Variants in MS4A4A observed in about 807,000 individuals in gnomAD.
MS4A4A encodes the protein membrane spanning 4-domains A4A.
Under a neutral mutation model 28.0 loss-of-function variants are expected in MS4A4A, and 26 were observed. The ratio of observed to expected loss-of-function variants is 0.93; its 90% CI spans 0.68 to 1.29. The LOEUF (loss-of-function observed/expected upper bound fraction) is 1.29, where lower values mean the gene tolerates loss of function less well. Among genes scored for constraint, MS4A4A ranks in the 50% most tolerant of loss-of-function variants. MS4A4A has a pLI of 0.00. For missense variants in MS4A4A, 290 were observed against 293.1 expected, an observed-to-expected ratio of 0.99 and a Z score of 0.08; for synonymous variants, 86 against 100.8, an observed-to-expected ratio of 0.85 and a Z score of 0.88.
intron 1 of MS4A4A, chr11:60,282,789 C>T (rs2084766804): frequency 2.5e-6 from 3 of 1,189,112 alleles, no homozygotes; most frequent in Middle Eastern, 3.2e-4. Context: ...TTGTTATCAA[C>T]ATTAAAAATT....
chr11:60,294,579 A>T (rs557382523), intron 2 of MS4A4A, among the ~76,000 whole-genome samples: 181 of 152,200 alleles, frequency 1.2e-3, no homozygotes, highest in African/African-American at 4.1e-3. Context: ...TAGGAGTTTT[A>T]TAGTTTTTAG....
At chr11:60,300,939 T>A (rs2084948092) in intron 3 of MS4A4A, 62 bp from the exon 4 acceptor site, 2 of 1,205,020 alleles carry the variant, frequency 1.7e-6, no homozygotes, top group Non-Finnish European at 1.2e-6. Flanking sequence ...TTAAGTTTAG[T>A]AAGTTATGAC....
At chr11:60,294,697 A>T (rs1428821982) in intron 2 of MS4A4A, among the ~76,000 whole-genome samples, 3 of 151,984 alleles carry the variant, frequency 2.0e-5, no homozygotes, top group African/African-American at 7.2e-5. Flanking sequence ...ACTATTTTTT[A>T]AAATACTTTT....
chr11:60,308,002 A>G, intron 6 of MS4A4A, 105 bp from the exon 7 acceptor site: 1 of 988,100 alleles, frequency 1.0e-6, no homozygotes, highest in Non-Finnish European at 1.6e-6. Flanking sequence ...AATGAATCAG[A>G]GAAGAAAAGA....
intron 4 of MS4A4A, among the ~76,000 whole-genome samples, chr11:60,301,261 ATC>A (rs990555771): frequency 2.0e-5 from 3 of 152,200 alleles, no homozygotes; most frequent in African/African-American, 7.2e-5. Context: ...AAGGTAGGGA[ATC>A]TTACGCTTGT....
At chr11:60,293,725 T>G (rs7939464) in intron 2 of MS4A4A, among the ~76,000 whole-genome samples, 28,922 of 151,990 alleles carry the variant, frequency 0.19, 3,286 homozygotes, top group African/African-American at 0.31. Context: ...ACAATAGGTG[T>G]TTTTTTTAGA....
chr11:60,293,014 T>G (rs923661736), intron 2 of MS4A4A, among the ~76,000 whole-genome samples: 1 of 152,186 alleles, frequency 6.6e-6, no homozygotes, highest in Non-Finnish European at 1.5e-5. Context: ...TCTCATAAAA[T>G]ATGTTATTTA....
At chr11:60,289,574 AGTGTGTGT>A (rs747454290) in intron 1 of MS4A4A, among the ~76,000 whole-genome samples, 19 of 131,188 alleles carry the variant, frequency 1.4e-4, no homozygotes, top group Middle Eastern at 3.8e-3. Context: ...TGTTTTGGGG[AGTGTGTGT>A]GTGTGTGTGT....
At chr11:60,305,203 G>C (rs2084987256) in intron 5 of MS4A4A, among the ~76,000 whole-genome samples, 1 of 152,204 alleles carries the variant, frequency 6.6e-6, no homozygotes, top group African/African-American at 2.4e-5. Context: ...CAGTGCTCTG[G>C]GCAGATGGAT....
chr11:60,291,594 T>C (rs2084856147), intron 1 of MS4A4A, among the ~76,000 whole-genome samples: 1 of 151,770 alleles, frequency 6.6e-6, no homozygotes, highest in Non-Finnish European at 1.5e-5. Context: ...GGTCAGGAGA[T>C]GGAGACCATA....
At position 60,308,346 on chromosome 11, in the gene MS4A4A, A is replaced by T. The variant is rs1407039189; in HGVS notation, c.*168A>T. 6 of 542,074 alleles carry T rather than the reference A, an allele frequency of 1.1e-5. No homozygotes were observed. The highest frequency in any genetic ancestry group is 1.9e-5 in the Non-Finnish European group (6 of 321,702). The allele number at this position is 542,074 out of a possible 1,614,324, so 33.6% of individuals were successfully genotyped here. A position where few individuals can be genotyped will look rare whatever the true frequency, so the allele number is the denominator to read the frequency against. Reference sequence around the variant, plus strand: ...CTGTGTGTGTATAGAGAGATAATAAATTCAAAATTATGTTCTCATTTTTTT... The same window carrying T: ...CTGTGTGTGTATAGAGAGATAATAATTTCAAAATTATGTTCTCATTTTTTT... On this transcript the variant is annotated 3_prime_UTR_variant, in exon 7 of 7. Coordinates refer to ENST00000337908, the MANE Select transcript of MS4A4A (RefSeq NM_148975.3).
chr11:60,300,901 C>T lies in MS4A4A; in HGVS notation c.331-100C>T, dbSNP rs968287536. 2.2e-5 allele frequency: 18 copies of T among 810,154 alleles called. No individual in the cohort carries two copies. In the African/African-American group the frequency reaches 2.9e-4, roughly 13 times the overall value. The allele number at this position is 810,154 out of a possible 1,614,324, so 50.2% of individuals were successfully genotyped here. A position where few individuals can be genotyped will look rare whatever the true frequency, so the allele number is the denominator to read the frequency against. On this transcript the variant is annotated intron_variant, in intron 3 of 6. Coordinates refer to ENST00000337908, the MANE Select transcript of MS4A4A (RefSeq NM_148975.3). The stretch of plus-strand genomic sequence containing the variant: ...TGTGGTTTTCTTTAAGATAATTGGT[C>T]TGATTAACATATCTATCTAATTTAG...
At chr11:60,295,595 T>C (rs2084899003) in intron 2 of MS4A4A, among the ~76,000 whole-genome samples, 2 of 152,102 alleles carry the variant, frequency 1.3e-5, no homozygotes, top group South Asian at 4.1e-4. Context: ...TTTGAGTTTC[T>C]CCATTAAGTA....
intron 1 of MS4A4A, among the ~76,000 whole-genome samples, chr11:60,287,783 TG>T (rs1554992295): frequency 2.6e-5 from 4 of 152,168 alleles, no homozygotes; most frequent in Non-Finnish European, 5.9e-5. Flanking sequence ...CAAAATATAA[TG>T]GTGAAACAGG....
chr11:60,283,186 C>T (rs899910972), intron 1 of MS4A4A, among the ~76,000 whole-genome samples: 5 of 152,144 alleles, frequency 3.3e-5, no homozygotes. Flanking sequence ...TGGGCCTCAG[C>T]CTCCTGAGTA....
At chr11:60,301,655 T>G (rs534991622) in intron 4 of MS4A4A, among the ~76,000 whole-genome samples, 1 of 152,236 alleles carries the variant, frequency 6.6e-6, no homozygotes, top group African/African-American at 2.4e-5. Context: ...ATGATCAATA[T>G]GGGTTTTCCA....
At chr11:60,292,120 A>T (rs1020148132) in intron 1 of MS4A4A, 105 bp from the exon 2 acceptor site, 2 of 1,330,726 alleles carry the variant, frequency 1.5e-6, no homozygotes, top group Non-Finnish European at 2.0e-6. Flanking sequence ...ATATGGGAAG[A>T]GAATGTAGAC....
At chr11:60,296,236 G>A (rs2084904366) in intron 2 of MS4A4A, among the ~76,000 whole-genome samples, 1 of 151,892 alleles carries the variant, frequency 6.6e-6, no homozygotes, top group Admixed American at 6.6e-5. Flanking sequence ...ATTTTATCAA[G>A]GCTATCAAAC....
At chr11:60,289,332 G>A (rs921351826) in intron 1 of MS4A4A, among the ~76,000 whole-genome samples, 1 of 152,124 alleles carries the variant, frequency 6.6e-6, no homozygotes, top group Non-Finnish European at 1.5e-5. Context: ...TATCCATGGT[G>A]GTGATGGGAG....
Sources: allele counts gnomAD v4.1 joint callset (sites outside exome capture counted in the v4.1 genomes callset), GRCh38; gene constraint gnomAD v4.1.1; transcripts MANE v1.5; gene names NCBI Gene and HGNC (gene_info 2026-07-23, HGNC 2026-07-21).